Variants in TSC1 observed in about 807,000 individuals in gnomAD.
TSC1 encodes the protein hamartin.
Under a neutral mutation model 124.3 loss-of-function variants are expected in TSC1, and 20 were observed. The ratio of observed to expected loss-of-function variants is 0.16; its 90% CI spans 0.11 to 0.23. The LOEUF (loss-of-function observed/expected upper bound fraction) is 0.23. Ranked by LOEUF, TSC1 falls within the 10% of genes least tolerant of loss-of-function variation. The probability of loss-of-function intolerance (pLI) is 1.00; values close to 1 mark genes in which losing one functional copy is unlikely to be tolerated. For missense variants in TSC1, 1,124 were observed against 1,448.5 expected (o/e 0.78, Z 3.64); for synonymous variants, 493 against 539.1 (o/e 0.91, Z 1.19).
At chr9:132,944,460 G>T (rs1381953130) in intron 1 of TSC1, 83 bp downstream of exon 1, 1 of 397,566 alleles carries the variant, frequency 2.5e-6, no homozygotes, top group Non-Finnish European at 4.4e-6. Context: ...CAGCCCCTCC[G>T]AGCCTCCCCG....
rs997361841 is a variant in TSC1, at chr9:132,895,876, T to G, written c.*359A>C. ...TGAACTTCGGGAAAGCAGAAAGTGG[T>G]GTGTTAGACTCAAAGATTAAATTTG... is the stretch of plus-strand genomic sequence containing the variant. On this transcript the variant is annotated 3_prime_UTR_variant, in exon 23 of 23. Transcript: ENST00000298552. 5.6e-6 allele frequency: 2 copies of G among 354,162 alleles called. No individual in the cohort carries two copies. The highest frequency in any genetic ancestry group is 4.1e-5 in the African/African-American group (2 of 48,780). 21.9% of individuals were successfully genotyped at this position (354,162 alleles called of 1,614,324 possible).
intron 1 of TSC1, among the ~76,000 whole-genome samples, chr9:132,940,259 T>G (rs1479755980): frequency 6.6e-6 from 1 of 152,184 alleles, no homozygotes; most frequent in Non-Finnish European, 1.5e-5. Context: ...AAAAAGTTTT[T>G]TAATAAAGCC....
chr9:132,922,015 C>A (rs2132164581), intron 6 of TSC1, 42 bp from the exon 7 acceptor site: 1 of 1,613,594 alleles, frequency 6.2e-7, no homozygotes, highest in Non-Finnish European at 8.5e-7. Flanking sequence ...TAGTTGGAGA[C>A]AGATTGAGGA....
At chr9:132,910,219 T>G in intron 12 of TSC1, 2 of 500,436 alleles carry the variant, frequency 4.0e-6, no homozygotes, top group Non-Finnish European at 3.5e-6. Context: ...GAGGATTGCA[T>G]GAGTCTGGGA....
rs563584509 is a variant in TSC1 at position 132,893,933 on chromosome 9, A to C, written c.*2302T>G. 8.2e-5 allele frequency: 19 copies of C among 233,062 alleles called. No individual in the cohort carries two copies. In the Admixed American group the frequency reaches 1.1e-3, roughly 13 times the overall value. 14.4% of individuals were successfully genotyped at this position (233,062 alleles called of 1,614,324 possible). ...AAAACCAAACCAAACCTAACTACTG[A>C]CTCTGGAGTTCTTTGCAACATGAAA... On this transcript the variant is annotated 3_prime_UTR_variant, in exon 23 of 23. Coordinates refer to ENST00000298552, the MANE Select transcript of TSC1 (RefSeq NM_000368.5).
At chr9:132,939,288 G>GA (rs1847618124) in intron 1 of TSC1, 1 of 151,800 alleles carries the variant, frequency 6.6e-6, no homozygotes, top group Admixed American at 6.6e-5. Flanking sequence ...TAGAAGGAAG[G>GA]AAAAAAGGGT....
rs1234835402 is a variant in TSC1 at position 132,906,009 on chromosome 9, G to A, written c.1569C>T (p.Ala523=). 1 of 1,614,168 alleles carries A rather than the reference G, an allele frequency of 6.2e-7. No individual in the cohort carries two copies. The highest frequency in any genetic ancestry group is 1.1e-5 in the South Asian group (1 of 91,074). The change falls in exon 15 of 23, where the codon GCC becomes GCT. Residue 523 remains alanine (A), a synonymous_variant. Transcript: ENST00000298552. The surrounding 1 kb of genome is among the most constrained non-coding windows in gnomAD (Gnocchi z 4.1). ...TCACGCTGGCGCCCTGAGAACTGGAGGCTGCCGAGTGGGTCTTCCGCTGAG... is the reference window on the plus strand; with the variant it reads ...TCACGCTGGCGCCCTGAGAACTGGAAGCTGCCGAGTGGGTCTTCCGCTGAG... ...PGSQRKTHSA[A]SSSQGASVNP...
In TSC1 at chr9:132,921,680, G is replaced by T; in HGVS notation, c.663+139C>A. 1.7e-6 allele frequency: 2 copies of T among 1,171,028 alleles called. No individual in the cohort carries two copies. Among genetic ancestry groups the T allele is most frequent in the Non-Finnish European group, 2.5e-6 (2 of 796,604 alleles). 72.5% of individuals were successfully genotyped at this position (1,171,028 alleles called of 1,614,324 possible). ...TAAGACAGAAAACAGATTAGTGGCT[G>T]CCTAGGGATTGGAGTGGCGAGGAAG... On this transcript the variant is annotated intron_variant, in intron 7 of 22. Coordinates refer to ENST00000298552, the MANE Select transcript of TSC1 (RefSeq NM_000368.5). The surrounding 1 kb of genome is among the most constrained non-coding windows in gnomAD (Gnocchi z 4.3).
rs1845955815 is a variant in TSC1 at position 132,911,482 on chromosome 9, A to T, written c.1000T>A (p.Ser334Thr). Reference sequence around the variant, plus strand: ...GGTGGTTCAGTTATCAGCCGTGTCGATGGGGAACTCAGAGTCTGAGGTAGC... The same window carrying T: ...GGTGGTTCAGTTATCAGCCGTGTCGTTGGGGAACTCAGAGTCTGAGGTAGC... The part of the protein sequence containing the change: ...GQLPQTLSSP[S>T]TRLITEPPQA... Residue 334 changes from serine to threonine, a missense_variant, in exon 10 of 23, where the codon TCG (serine) becomes ACG (threonine). Ser to Thr is a moderately conservative substitution (Grantham distance 58). Around this residue, in one of 5 missense-constraint regions of TSC1, gnomAD observed 463 missense variants for 606.8 expected, o/e 0.76. Coordinates refer to ENST00000298552, the MANE Select transcript of TSC1 (RefSeq NM_000368.5). 6.2e-7 allele frequency: 1 copy of T among 1,613,798 alleles called. No individual in the cohort carries two copies. Among genetic ancestry groups the T allele is most frequent in the African/African-American group, 1.3e-5 (1 of 74,872 alleles).
At chr9:132,898,256 A>G (rs1845190387) in intron 20 of TSC1, among the ~76,000 whole-genome samples, 1 of 152,228 alleles carries the variant, frequency 6.6e-6, no homozygotes, top group South Asian at 2.1e-4. Flanking sequence ...GATCGTGCTA[A>G]GGCAGATGGC....
At chr9:132,928,133 C>T (rs901883954) in intron 3 of TSC1, among the ~76,000 whole-genome samples, 1 of 152,114 alleles carries the variant, frequency 6.6e-6, no homozygotes, top group African/African-American at 2.4e-5. Flanking sequence ...CATTTCTTTC[C>T]GTCCTCCTAG....
At chr9:132,942,964 T>G (rs1847817882) in intron 1 of TSC1, among the ~76,000 whole-genome samples, 1 of 152,224 alleles carries the variant, frequency 6.6e-6, no homozygotes, top group Admixed American at 6.5e-5. Flanking sequence ...AAATCAGTTT[T>G]CACATTTGCA....
intron 8 of TSC1, among the ~76,000 whole-genome samples, chr9:132,920,679 A>G (rs559781174): frequency 8.7e-4 from 132 of 152,010 alleles, no homozygotes; most frequent in African/African-American, 3.0e-3. Flanking sequence ...CAGTTTCCCC[A>G]AAAAGGGCCA....
Position 132,906,370 on chromosome 9 carries a change from A to G in TSC1, c.1439-231T>C, listed in dbSNP as rs148049791. On this transcript the variant is annotated intron_variant, in intron 14 of 22. Transcript: ENST00000298552. This position sits in a 1 kb window ranked among gnomAD's most constrained non-coding sequence, Gnocchi z 4.1. ...AGACCAGCCTGGACAACATAGGGAGATCCCATCTCTACAAAAAATACAATA... is the reference window on the plus strand; with the variant it reads ...AGACCAGCCTGGACAACATAGGGAGGTCCCATCTCTACAAAAAATACAATA... 47 of 592,030 alleles carry G rather than the reference A, an allele frequency of 7.9e-5. No individual in the cohort carries two copies. In the African/African-American group the frequency reaches 8.4e-4, roughly 11 times the overall value. 36.7% of individuals were successfully genotyped at this position (592,030 alleles called of 1,614,324 possible). A position where few individuals can be genotyped will look rare whatever the true frequency, so the allele number is the denominator to read the frequency against.
chr9:132,913,803 G>A (rs1382314444), intron 8 of TSC1, among the ~76,000 whole-genome samples: 2 of 142,258 alleles, frequency 1.4e-5, no homozygotes, highest in African/African-American at 5.2e-5. Flanking sequence ...TCCAGCCTGG[G>A]CGATAGAGCG....
At position 132,923,694 on chromosome 9, in the gene TSC1, G is replaced by A. The variant is rs1162875024; in HGVS notation, c.364-202C>T. Reference sequence around the variant, plus strand: ...CAGAACACTGAGCCCCAACTCTACTGTAATGAGTCAGTGAGGACCATTTAC... The same window carrying A: ...CAGAACACTGAGCCCCAACTCTACTATAATGAGTCAGTGAGGACCATTTAC... On this transcript the variant is annotated intron_variant, in intron 5 of 22. Transcript: ENST00000298552. The surrounding 1 kb of genome is among the most constrained non-coding windows in gnomAD (Gnocchi z 4.2). 4.3e-6 allele frequency: 3 copies of A among 698,642 alleles called. No individual in the cohort carries two copies. In the East Asian group the frequency reaches 8.6e-5, roughly 20 times the overall value. 43.3% of individuals were successfully genotyped at this position (698,642 alleles called of 1,614,324 possible).
At chr9:132,944,975 C>A (rs866527889), upstream of TSC1, 5 of 192,090 alleles carry the variant, frequency 2.6e-5, no homozygotes, top group Non-Finnish European at 4.2e-5. Flanking sequence ...CGGGGGGACG[C>A]GGCGGAGAGG....
intron 8 of TSC1, among the ~76,000 whole-genome samples, chr9:132,913,898 T>TGG (rs1846118003): frequency 7.9e-6 from 1 of 126,884 alleles, no homozygotes; most frequent in Non-Finnish European, 1.7e-5. Flanking sequence ...TTTGTTTTTT[T>TGG]TTTTTTTTTT....
intron 8 of TSC1, among the ~76,000 whole-genome samples, chr9:132,919,250 T>C (rs1259200396): frequency 6.6e-6 from 1 of 152,224 alleles, no homozygotes; most frequent in Non-Finnish European, 1.5e-5. Context: ...CATCATTGAC[T>C]GAAATGTCAT....
Sources: allele counts gnomAD v4.1 joint callset (sites outside exome capture counted in the v4.1 genomes callset), GRCh38; gene constraint gnomAD v4.1.1; regional missense constraint gnomAD v4.1.1; non-coding constraint Gnocchi (gnomAD v3.1); transcripts MANE v1.5; gene names NCBI Gene and HGNC (gene_info 2026-07-23, HGNC 2026-07-21).